ERLEC1: variants seen among roughly 807,000 people sequenced by gnomAD.
ERLEC1 encodes ER lectin.
A neutral mutation model predicts 68.0 loss-of-function variants in ERLEC1; 47 were observed. The observed-to-expected ratio is 0.69, with a 90% CI of 0.55 to 0.88. The LOEUF is 0.88. Ranked by LOEUF, ERLEC1 falls within the 40% of genes least tolerant of loss-of-function variation. The probability of loss-of-function intolerance (pLI) is 0.00; values close to 1 mark genes in which losing one functional copy is unlikely to be tolerated. For missense variants in ERLEC1, 567 were observed against 583.8 expected, an observed-to-expected ratio of 0.97 and a Z score of 0.30; for synonymous variants, 225 against 203.2, an observed-to-expected ratio of 1.11 and a Z score of -0.91.
At chr2:53,799,405 G>T (rs1210826549) in intron 6 of ERLEC1, among the ~76,000 whole-genome samples, 3 of 152,034 alleles carry the variant, frequency 2.0e-5, no homozygotes, top group Non-Finnish European at 2.9e-5. Context: ...AAGAGTTTTG[G>T]TCCCCATTTC....
Position 53,801,545 on chromosome 2 carries a change from C to G in ERLEC1, c.674C>G (p.Ser225Ter). 6.2e-7 allele frequency: 1 copy of G among 1,614,126 alleles called. No individual in the cohort carries two copies. The highest frequency in any genetic ancestry group is 8.5e-7 in the Non-Finnish European group (1 of 1,179,998). The stretch of plus-strand genomic sequence containing the variant: ...CCTGAATCTAAGCATGAAATTCTTT[C>G]AGTAGCTGAAGTTACAACTTGTGAA... ...CHPESKHEIL[S>*]VAEVTTCEYE... Residue 225 changes from serine to a stop codon, truncating the protein, a stop_gained, in exon 7 of 14, where the codon TCA becomes TGA. Coordinates refer to ENST00000185150, the MANE Select transcript of ERLEC1 (RefSeq NM_015701.5). LOFTEE classifies it high-confidence loss of function.
At chr2:53,796,392 G>A (rs1675704409) in intron 3 of ERLEC1, among the ~76,000 whole-genome samples, 1 of 151,464 alleles carries the variant, frequency 6.6e-6, no homozygotes, top group Non-Finnish European at 1.5e-5. Flanking sequence ...ACAGTATTTG[G>A]TTCTCTGTTC....
intron 9 of ERLEC1, 94 bp from the exon 10 acceptor site, chr2:53,809,120 T>A (rs1326474804): frequency 3.0e-5 from 26 of 863,924 alleles, no homozygotes; most frequent in Non-Finnish European, 4.4e-5. Context: ...TTTTACAGGT[T>A]TTAAAAATAA....
At chr2:53,793,005 C>CAA (rs58494548) in intron 1 of ERLEC1, among the ~76,000 whole-genome samples, 541 of 127,734 alleles carry the variant, frequency 4.2e-3, no homozygotes, top group Middle Eastern at 0.013. Flanking sequence ...GACCCTGTCT[C>CAA]AAAAAAAAAA....
At chr2:53,806,895 T>G (rs965792287) in intron 8 of ERLEC1, among the ~76,000 whole-genome samples, 2 of 152,200 alleles carry the variant, frequency 1.3e-5, no homozygotes, top group Non-Finnish European at 2.9e-5. Context: ...CACCAGATCC[T>G]AATTTTTTAA....
intron 6 of ERLEC1, among the ~76,000 whole-genome samples, chr2:53,799,831 GAC>G (rs749193245): frequency 9.2e-5 from 14 of 152,004 alleles, no homozygotes; most frequent in Non-Finnish European, 1.9e-4. Flanking sequence ...GCTAAGCAGA[GAC>G]ACACATAGCA....
At chr2:53,794,738 T>C (rs1304672038) in intron 2 of ERLEC1, among the ~76,000 whole-genome samples, 1 of 152,190 alleles carries the variant, frequency 6.6e-6, no homozygotes, top group African/African-American at 2.4e-5. Flanking sequence ...CACTGCAACC[T>C]CCGACTCCCG....
rs147824416 is a variant in ERLEC1 at position 53,813,028 on chromosome 2, C to T, written c.1181C>T (p.Thr394Ile). 632 of 1,613,222 alleles carry T rather than the reference C, an allele frequency of 3.9e-4. 2 individuals are homozygous for T. The highest frequency in any genetic ancestry group is 4.9e-4 in the Non-Finnish European group (573 of 1,179,866). ...CATATTGAATGGGCTAAGAAGAATA[C>T]TGCTAGAGCTTATCATCTTCAAGAC... ...EEHIEWAKKNTARAYHLQDDG... is the reference protein window; with the variant it reads ...EEHIEWAKKNIARAYHLQDDG... Residue 394 changes from threonine (T) to isoleucine (I), a missense_variant, in exon 11 of 14, where the codon ACT becomes ATT. By Grantham distance (89) the Thr-to-Ile change is moderately conservative (BLOSUM62 -1). Transcript: ENST00000185150.
intron 8 of ERLEC1, among the ~76,000 whole-genome samples, chr2:53,804,495 C>T (rs538755850): frequency 4.6e-5 from 7 of 152,180 alleles, no homozygotes; most frequent in East Asian, 1.9e-4. Flanking sequence ...AGGCGGGTCT[C>T]GAACTCCTGG....
At chr2:53,797,677 T>G in intron 4 of ERLEC1, 55 bp from the exon 5 acceptor site, 1 of 1,573,582 alleles carries the variant, frequency 6.4e-7, no homozygotes, top group South Asian at 1.1e-5. Context: ...AGTTGTATCC[T>G]TAAAAATGTC....
chr2:53,816,990 C>T (rs912064164), intron 13 of ERLEC1, among the ~76,000 whole-genome samples: 3 of 151,972 alleles, frequency 2.0e-5, no homozygotes, highest in South Asian at 2.1e-4. Context: ...TCCTTTGTTT[C>T]GATTTGGGTC....
intron 1 of ERLEC1, among the ~76,000 whole-genome samples, chr2:53,791,710 G>T (rs547462715): frequency 6.6e-6 from 1 of 152,034 alleles, no homozygotes; most frequent in South Asian, 2.1e-4. Flanking sequence ...TTTTGCTGTG[G>T]TTCCAAACAA....
intron 11 of ERLEC1, 117 bp from the exon 12 acceptor site, chr2:53,814,426 G>GTT: frequency 1.8e-6 from 1 of 563,958 alleles, no homozygotes; most frequent in Non-Finnish European, 3.0e-6. Context: ...TTATAGTCAG[G>GTT]TTTTTTTTTA....
rs772586603 is a variant in ERLEC1 at position 53,794,332 on chromosome 2, C to T, written c.163-13C>T. 2 of 1,266,252 alleles carry T rather than the reference C, an allele frequency of 1.6e-6. No individual in the cohort carries two copies. The highest frequency in any genetic ancestry group is 2.3e-5 in the Admixed American group (1 of 43,712). The allele number at this position is 1,266,252 out of a possible 1,614,324, so 78.4% of individuals were successfully genotyped here. The stretch of plus-strand genomic sequence containing the variant: ...ACGGAGAACATAATGTATGTTTTTT[C>T]TTCTATTTGCAGCCCACAACTGGAG... On this transcript the variant is annotated splice_polypyrimidine_tract_variant and intron_variant, in intron 1 of 13. Transcript: ENST00000185150.
chr2:53,794,501 A>T, intron 2 of ERLEC1, 52 bp downstream of exon 2: 1 of 832,734 alleles, frequency 1.2e-6, no homozygotes, highest in South Asian at 1.6e-5. Context: ...TATTTATGTA[A>T]AACATTGTAA....
intron 10 of ERLEC1, among the ~76,000 whole-genome samples, chr2:53,812,448 G>C (rs1676641180): frequency 6.6e-6 from 1 of 152,194 alleles, no homozygotes; most frequent in Non-Finnish European, 1.5e-5. Context: ...AATAAGTATG[G>C]TACCAAATGA....
Position 53,796,697 on chromosome 2 carries a change from G to A in ERLEC1, c.348+684G>A, listed in dbSNP as rs149430152. Among the ~76,000 whole-genome samples the A allele has an allele frequency of 1.8e-4, 28 of 151,848 alleles. No homozygotes were observed. In the East Asian group the frequency reaches 3.7e-3, roughly 20 times the overall value. ...ACTCCTGAACTCAAGCCATCCACCC[G>A]CCTCAGCCTTTTAAAGTGCTAGAAT... On this transcript the variant is annotated intron_variant, in intron 3 of 13. Transcript: ENST00000185150.
intron 8 of ERLEC1, among the ~76,000 whole-genome samples, chr2:53,804,989 CTTTTTTTTTTT>C (rs746963770): frequency 1.0e-5 from 1 of 98,218 alleles, no homozygotes; most frequent in South Asian, 3.7e-4. Flanking sequence ...GACAGGATCT[CTTTTTTTTTTT>C]TTTTTTTTTT....
chr2:53,791,697 C>A (rs1284854893), intron 1 of ERLEC1, among the ~76,000 whole-genome samples: 1 of 152,032 alleles, frequency 6.6e-6, no homozygotes, highest in African/African-American at 2.4e-5. Context: ...ATTGTCTTCC[C>A]TTTTTTGCTG....
Sources: allele counts gnomAD v4.1 joint callset (sites outside exome capture counted in the v4.1 genomes callset), GRCh38; gene constraint gnomAD v4.1.1; transcripts MANE v1.5; gene names NCBI Gene and HGNC (gene_info 2026-07-23, HGNC 2026-07-21).